The following TRMO variants were observed in gnomAD, a reference collection of about 807,000 sequenced individuals.
TRMO encodes the protein tRNA (adenine(37)-N6)-methyltransferase.
A neutral mutation model predicts 37.2 loss-of-function variants in TRMO; 30 were observed. The observed-to-expected ratio is 0.81, with a 90% CI of 0.60 to 1.09. TRMO has a LOEUF of 1.09. TRMO is among the 50% of genes least tolerant of loss of function. TRMO has a pLI of 0.00. For missense variants in TRMO, 552 were observed against 549.5 expected (o/e 1.00, Z -0.05); for synonymous variants, 239 against 199.4 (o/e 1.20, Z -1.67).
At chr9:97,914,818 G>C (rs3780418) in intron 2 of TRMO, among the ~76,000 whole-genome samples, 29,869 of 139,154 alleles carry the variant, frequency 0.21, 3,331 homozygotes, top group Non-Finnish European at 0.28. Context: ...ACTTGAAAAA[G>C]AAAAAATTAA....
chr9:97,913,805 G>A (rs1277682603), intron 2 of TRMO, among the ~76,000 whole-genome samples: 1 of 152,216 alleles, frequency 6.6e-6, no homozygotes, highest in East Asian at 1.9e-4. Context: ...AGGAACTTGA[G>A]AGACGTTTAT....
At chr9:97,904,309 T>G (rs1445037675), downstream of TRMO, among the ~76,000 whole-genome samples, 7 of 152,186 alleles carry the variant, frequency 4.6e-5, no homozygotes, top group Non-Finnish European at 1.0e-4. Context: ...TTTGTTAGTT[T>G]CCTGATATAG....
At chr9:97,917,197 G>A (rs1054922579) in intron 1 of TRMO, among the ~76,000 whole-genome samples, 1 of 152,230 alleles carries the variant, frequency 6.6e-6, no homozygotes, top group African/African-American at 2.4e-5. Context: ...TATGAAATAA[G>A]AGGCAGAGAA....
Position 97,910,026 on chromosome 9 carries a change from C to G in TRMO, c.1000G>C (p.Val334Leu). 10 of 1,606,666 alleles carry G rather than the reference C, an allele frequency of 6.2e-6. No homozygotes were observed. Among genetic ancestry groups the G allele is most frequent in the Non-Finnish European group, 8.5e-6 (10 of 1,175,538 alleles). ...GTAAACCGCACTTCTAAAGTGGCCA[C>G]AGGAGCCTCTGTCACCCAGGCAGGA... ...VVPAWVTEAPVATLEVRFTPH... is the reference protein window; with the variant it reads ...VVPAWVTEAPLATLEVRFTPH... Residue 334 changes from valine to leucine, a missense_variant, in exon 4 of 5, where the codon GTG (valine) becomes CTG (leucine). Val to Leu is a conservative substitution (Grantham distance 32). Coordinates refer to ENST00000375119, the MANE Select transcript of TRMO (RefSeq NM_016481.5).
At chr9:97,920,316 C>A (rs1181533061) in intron 1 of TRMO, among the ~76,000 whole-genome samples, 2 of 152,160 alleles carry the variant, frequency 1.3e-5, no homozygotes, top group Non-Finnish European at 2.9e-5. Flanking sequence ...AAAACCAGCA[C>A]AAGAACCTCA....
chr9:97,912,268 T>A (rs1007401842), intron 3 of TRMO: 8 of 152,638 alleles, frequency 5.2e-5, no homozygotes, highest in African/African-American at 1.9e-4. Flanking sequence ...CCTTTTAACC[T>A]ATCTGACTTG....
chr9:97,897,654 T>C, the TRMO span, among the ~76,000 whole-genome samples: 2 of 152,208 alleles, frequency 1.3e-5, no homozygotes. Context: ...AAGTCTATAC[T>C]AATATGAAGA....
chr9:97,905,821 G>T (rs1825830743), intron 4 of TRMO, among the ~76,000 whole-genome samples: 1 of 152,100 alleles, frequency 6.6e-6, no homozygotes, highest in Non-Finnish European at 1.5e-5. Flanking sequence ...TAATAAGCAG[G>T]TTGGGTAAAT....
intron 4 of TRMO, among the ~76,000 whole-genome samples, chr9:97,906,757 G>T (rs1318030223): frequency 6.6e-6 from 1 of 150,382 alleles, no homozygotes; most frequent in Non-Finnish European, 1.5e-5. Context: ...GAGGAGAATC[G>T]CTTGAACCCG....
chr9:97,903,605 G>A (rs1204448694), downstream of TRMO, among the ~76,000 whole-genome samples: 1 of 152,096 alleles, frequency 6.6e-6, no homozygotes, highest in Non-Finnish European at 1.5e-5. Flanking sequence ...TCTTACAACT[G>A]TTTCCTATGT....
intron 1 of TRMO, among the ~76,000 whole-genome samples, chr9:97,916,705 C>CTT (rs555924368): frequency 0.28 from 34,227 of 124,436 alleles, 5,587 homozygotes; most frequent in Non-Finnish European, 0.36. Context: ...GTATTTCTTT[C>CTT]TTTTTTTTTT....
Position 97,910,131 on chromosome 9 carries a change from G to C in TRMO, c.895C>G (p.Gln299Glu). The change falls in exon 4 of 5, where the codon CAA becomes GAA. Residue 299 changes from glutamine (Q) to glutamate (E), a missense_variant. By Grantham distance (29) the Gln-to-Glu change is conservative. Transcript: ENST00000375119. The part of the protein sequence containing the change: ...LERVEGAAVL[Q>E]GSRAETQPMA... ...GGCTGTGTCTCTGCCCTGCTTCCTT[G>C]CAAGACTGCTGCTCCTTCCACTCTT... 10 of 1,614,126 alleles carry C rather than the reference G, an allele frequency of 6.2e-6. No individual in the cohort carries two copies. The highest frequency in any genetic ancestry group is 1.7e-5 in the Admixed American group (1 of 60,014).
Position 97,910,975 on chromosome 9 carries a change from T to G in TRMO, c.410-359A>C, listed in dbSNP as rs1230278334. 3 of 485,072 alleles carry G rather than the reference T, an allele frequency of 6.2e-6. No homozygotes were observed. The Admixed American group carries it at 6.9e-5, about 11-fold the overall frequency. 30.0% of individuals were successfully genotyped at this position (485,072 alleles called of 1,614,324 possible). On this transcript the variant is annotated intron_variant, in intron 3 of 4. Transcript: ENST00000375119. ...GTGACCTGCTTAGAGTCTTCATCCC[T>G]AGACGCAGGCAGGCCCCTTAACACA... is the stretch of plus-strand genomic sequence containing the variant.
In TRMO at chr9:97,916,316, G is replaced by A. The variant is rs143707778; in HGVS notation, c.99C>T (p.Val33=). 65 of 1,612,346 alleles carry A rather than the reference G, an allele frequency of 4.0e-5. No individual in the cohort carries two copies. Among genetic ancestry groups the A allele is most frequent in the African/African-American group, 3.1e-4 (23 of 74,822 alleles). Reference sequence around the variant, plus strand: ...CCGAGAAACAAGATTCCAAGTAGCCGACTGGCTCAGTTAAAAGATTCCCTA... The same window carrying A: ...CCGAGAAACAAGATTCCAAGTAGCCAACTGGCTCAGTTAAAAGATTCCCTA... The part of the protein sequence containing the change: ...LETGNLLTEP[V]GYLESCFSAK... The change falls in exon 2 of 5, where the codon GTC becomes GTT. Residue 33 remains valine (V), a synonymous_variant. Coordinates refer to ENST00000375119, the MANE Select transcript of TRMO (RefSeq NM_016481.5).
In TRMO at chr9:97,922,464, C is replaced by G. The variant is rs200242824; in HGVS notation, c.30G>C (p.Arg10=). The G allele has an allele frequency of 6.3e-7, 1 of 1,587,018 alleles. No individual in the cohort carries two copies. Among genetic ancestry groups the G allele is most frequent in the Non-Finnish European group, 8.6e-7 (1 of 1,167,926 alleles). MRGLEESGP[R]PTATPCGCVK... ...CGCAGCCGCACGGGGTCGCTGTAGG[C>G]CGAGGCCCCGACTCCTCCAAGCCGC... is the stretch of plus-strand genomic sequence containing the variant. Residue 10 remains arginine (R), a synonymous_variant, in exon 1 of 5, where the codon CGG becomes CGC. Coordinates refer to ENST00000375119, the MANE Select transcript of TRMO (RefSeq NM_016481.5).
downstream of TRMO, among the ~76,000 whole-genome samples, chr9:97,902,600 CCTAAAATCCTTCTTAGCT>C (rs973408150): frequency 1.2e-4 from 19 of 152,262 alleles, no homozygotes; most frequent in African/African-American, 4.6e-4. Context: ...CTGCGCCCAG[CCTAAAATCCTTCTTAGCT>C]CTAAAATCCT....
chr9:97,900,006 G>A (rs764063579), downstream of TRMO, among the ~76,000 whole-genome samples: 2 of 152,080 alleles, frequency 1.3e-5, no homozygotes, highest in African/African-American at 2.4e-5. Context: ...GCAGTGAGCC[G>A]TGATTGCACC....
intron 4 of TRMO, among the ~76,000 whole-genome samples, chr9:97,906,491 C>T (rs1002557903): frequency 4.6e-5 from 7 of 152,200 alleles, no homozygotes; most frequent in Admixed American, 2.0e-4. Context: ...CATTTCAACA[C>T]CTTTAACCTC....
the TRMO span, among the ~76,000 whole-genome samples, chr9:97,898,002 C>T: frequency 0.73 from 110,696 of 152,092 alleles, 41,744 homozygotes; most frequent in East Asian, 0.98. Flanking sequence ...TAACTGGGAC[C>T]ATAGGCACAC....
Sources: gnomAD v4.1 joint callset for allele counts (sites outside exome capture counted in the v4.1 genomes callset) on GRCh38, gnomAD v4.1.1 for gene constraint, MANE v1.5 for transcripts, NCBI Gene and HGNC (gene_info 2026-07-23, HGNC 2026-07-21) for gene names.